The following EPHA5 variants were observed in gnomAD, a reference collection of about 807,000 sequenced individuals.
EPHA5 encodes the protein ephrin type-A receptor 5.
In EPHA5, 60 loss-of-function variants were observed where a neutral mutation model predicts 105.0. That is an observed-to-expected ratio of 0.57 (90% confidence interval 0.46 to 0.71). The LOEUF (loss-of-function observed/expected upper bound fraction) is 0.71. Among genes scored for constraint, EPHA5 ranks in the 30% least tolerant of loss-of-function variants. The pLI is 0.00. For missense variants in EPHA5, 1,218 were observed against 1,274.7 expected (o/e 0.96, Z 0.68); for synonymous variants, 513 against 449.1 (o/e 1.14, Z -1.80).
intron 5 of EPHA5, among the ~76,000 whole-genome samples, chr4:65,458,807 G>T (rs1420014187): frequency 6.6e-6 from 1 of 151,884 alleles, no homozygotes; most frequent in African/African-American, 2.4e-5. Context: ...TTATTAATTT[G>T]TTCAATAATT....
intron 5 of EPHA5, among the ~76,000 whole-genome samples, chr4:65,471,650 G>A (rs1729294845): frequency 6.6e-6 from 1 of 152,120 alleles, no homozygotes; most frequent in Admixed American, 6.5e-5. Context: ...TTGCATGGTG[G>A]CAGGTGACAG....
At chr4:65,407,063 T>C (rs1380535273) in intron 7 of EPHA5, among the ~76,000 whole-genome samples, 1 of 152,110 alleles carries the variant, frequency 6.6e-6, no homozygotes, top group Non-Finnish European at 1.5e-5. Context: ...ATATGGTTCA[T>C]AGCATTTTAA....
At chr4:65,661,687 C>A (rs1295637084) in intron 1 of EPHA5, among the ~76,000 whole-genome samples, 1 of 151,922 alleles carries the variant, frequency 6.6e-6, no homozygotes, top group Non-Finnish European at 1.5e-5. Flanking sequence ...TGGGTGAAAG[C>A]CAAGTTAGAA....
chr4:65,643,883 G>T (rs1747887375), intron 1 of EPHA5, among the ~76,000 whole-genome samples: 1 of 151,906 alleles, frequency 6.6e-6, no homozygotes, highest in Non-Finnish European at 1.5e-5. Flanking sequence ...ACATTAAACA[G>T]CAATAAACTA....
intron 8 of EPHA5, among the ~76,000 whole-genome samples, chr4:65,396,504 A>G (rs895063286): frequency 2.6e-5 from 4 of 152,154 alleles, no homozygotes; most frequent in African/African-American, 9.7e-5. Flanking sequence ...AGTTTCAGAG[A>G]AGGGGATGAG....
intron 4 of EPHA5, among the ~76,000 whole-genome samples, chr4:65,492,311 C>T (rs1731484231): frequency 1.3e-5 from 2 of 151,902 alleles, no homozygotes; most frequent in African/African-American, 4.8e-5. Flanking sequence ...AAATGACTCT[C>T]CTGCCTCAGC....
Position 65,574,381 on chromosome 4 carries a change from TA to T in EPHA5, c.910+27259del, listed in dbSNP as rs1186899568. On this transcript the variant is annotated intron_variant, in intron 3 of 16. Coordinates refer to ENST00000613740, the MANE Select transcript of EPHA5 (RefSeq NM_001281766.3). ...GACTACAAAAAAAAAATAATAATAA[TA>T]AAAAATAAAAAAATAAAAAAATACT... 5 of 815,834 alleles carry T rather than the reference TA, an allele frequency of 6.1e-6. No homozygotes were observed. In the South Asian group the frequency reaches 1.7e-4, roughly 27 times the overall value. The allele number at this position is 815,834 out of a possible 1,614,324, so 50.5% of individuals were successfully genotyped here. A position where few individuals can be genotyped will look rare whatever the true frequency, so the allele number is the denominator to read the frequency against.
At chr4:65,334,207 T>A (rs1720956272) in intron 15 of EPHA5, among the ~76,000 whole-genome samples, 1 of 151,956 alleles carries the variant, frequency 6.6e-6, no homozygotes, top group Non-Finnish European at 1.5e-5. Flanking sequence ...CTTAGGTCTA[T>A]TTGCTTAATG....
chr4:65,451,198 G>A (rs1173107476), intron 5 of EPHA5, among the ~76,000 whole-genome samples: 1 of 151,672 alleles, frequency 6.6e-6, no homozygotes, highest in African/African-American at 2.4e-5. Context: ...TACATTGACT[G>A]GTCAAAAAGA....
chr4:65,623,136 A>T (rs899916654), intron 2 of EPHA5, among the ~76,000 whole-genome samples: 4 of 152,134 alleles, frequency 2.6e-5, no homozygotes, highest in South Asian at 4.1e-4. Flanking sequence ...CCACCAAAAA[A>T]ATCCCACTTT....
chr4:65,366,118 CT>C, intron 9 of EPHA5, 61 bp from the exon 10 acceptor site: 1 of 1,471,512 alleles, frequency 6.8e-7, no homozygotes, highest in South Asian at 1.3e-5. Flanking sequence ...AAATTATGAA[CT>C]TTATTAACAT....
intron 3 of EPHA5, among the ~76,000 whole-genome samples, chr4:65,507,946 C>T (rs1733230541): frequency 6.6e-6 from 1 of 151,954 alleles, no homozygotes; most frequent in Admixed American, 6.6e-5. Context: ...AGTTTTTTCT[C>T]AATATAGGCA....
intron 5 of EPHA5, among the ~76,000 whole-genome samples, chr4:65,428,052 G>A (rs904382559): frequency 6.6e-6 from 1 of 151,912 alleles, no homozygotes; most frequent in Non-Finnish European, 1.5e-5. Context: ...ATCTCTAAGA[G>A]AATCATGTAC....
intron 7 of EPHA5, 152 bp downstream of exon 7, chr4:65,414,132 C>T: frequency 1.5e-6 from 1 of 676,812 alleles, no homozygotes; most frequent in Non-Finnish European, 2.5e-6. Context: ...ACCATAATAG[C>T]ATGACAGATG....
At chr4:65,545,311 C>T (rs2149329521) in intron 3 of EPHA5, among the ~76,000 whole-genome samples, 1 of 151,854 alleles carries the variant, frequency 6.6e-6, no homozygotes, top group East Asian at 1.9e-4. Context: ...AAAAGTAATC[C>T]CCATAGATTT....
intron 3 of EPHA5, among the ~76,000 whole-genome samples, chr4:65,502,202 A>G (rs779217423): frequency 3.0e-4 from 46 of 151,308 alleles, no homozygotes; most frequent in Non-Finnish European, 5.5e-4. Flanking sequence ...GAAAAAAAGA[A>G]TGTATGACTA....
intron 3 of EPHA5, among the ~76,000 whole-genome samples, chr4:65,505,395 C>A (rs773322946): frequency 4.6e-5 from 7 of 151,892 alleles, no homozygotes; most frequent in Non-Finnish European, 8.8e-5. Context: ...AACTTAAATT[C>A]TTCATAAAAA....
At chr4:65,644,111 A>G (rs1418549415) in intron 1 of EPHA5, among the ~76,000 whole-genome samples, 1 of 151,990 alleles carries the variant, frequency 6.6e-6, no homozygotes, top group Non-Finnish European at 1.5e-5. Context: ...TAGAACTGTC[A>G]GATATATTAT....
At chr4:65,329,114 T>C (rs1048455602) in intron 16 of EPHA5, among the ~76,000 whole-genome samples, 2 of 151,362 alleles carry the variant, frequency 1.3e-5, no homozygotes, top group African/African-American at 4.8e-5. Flanking sequence ...AATGTTTGGA[T>C]TCAATTTTCA....
Sources: gnomAD v4.1 joint callset for allele counts (sites outside exome capture counted in the v4.1 genomes callset) on GRCh38, gnomAD v4.1.1 for gene constraint, MANE v1.5 for transcripts, NCBI Gene and HGNC (gene_info 2026-07-23, HGNC 2026-07-21) for gene names.